PCDHGA11: variants seen among roughly 807,000 people sequenced by gnomAD.
PCDHGA11 encodes protocadherin gamma-A11.
Under a neutral mutation model 60.4 loss-of-function variants are expected in PCDHGA11, and 39 were observed. The observed-to-expected ratio is 0.65, with a 90% CI of 0.50 to 0.84. The LOEUF is 0.84. Among genes scored for constraint, PCDHGA11 ranks in the 40% least tolerant of loss-of-function variants. The pLI is 0.00. For synonymous variants in PCDHGA11, 533 were observed against 510.3 expected, an observed-to-expected ratio of 1.04 and a Z score of -0.60; for missense variants, 1,165 against 1,197.7, an observed-to-expected ratio of 0.97 and a Z score of 0.40.
chr5:141,421,931 A>T lies in PCDHGA11; in HGVS notation c.704A>T (p.Asp235Val). 6.2e-7 allele frequency: 1 copy of T among 1,613,556 alleles called. No homozygotes were observed. Among genetic ancestry groups the T allele is most frequent in the East Asian group, 2.2e-5 (1 of 44,876 alleles). ...GAVPIRVVVL[D>V]VNDHIPMFTQ... Reference sequence around the variant, plus strand: ...GTTCCCATTCGTGTGGTGGTCCTCGATGTAAATGATCACATCCCAATGTTT... The same window carrying T: ...GTTCCCATTCGTGTGGTGGTCCTCGTTGTAAATGATCACATCCCAATGTTT... The change falls in exon 1 of 4, where the codon GAT (aspartate) becomes GTT (valine). Residue 235 changes from aspartate (D) to valine (V), a missense_variant. Transcript: ENST00000398587.
At position 141,489,651 on chromosome 5, in the gene PCDHGA11, G is replaced by A; in HGVS notation, c.2434-5156G>A. 6.2e-7 allele frequency: 1 copy of A among 1,614,186 alleles called. No individual in the cohort carries two copies. Among genetic ancestry groups the A allele is most frequent in the Non-Finnish European group, 8.5e-7 (1 of 1,180,032 alleles). ...ACTCTCCTAGCTTTGCCACCCCTGA[G>A]CGAGAGATGCGCATCTCAGAATCAG... On this transcript the variant is annotated intron_variant, in intron 1 of 3. Coordinates refer to ENST00000398587, the MANE Select transcript of PCDHGA11 (RefSeq NM_018914.3). The surrounding 1 kb of genome is among the most constrained non-coding windows in gnomAD (Gnocchi z 4.5).
At chr5:141,481,795 T>C (rs2154579318) in intron 1 of PCDHGA11, among the ~76,000 whole-genome samples, 1 of 150,244 alleles carries the variant, frequency 6.7e-6, no homozygotes, top group South Asian at 2.1e-4. Context: ...CTACTAAAAA[T>C]ACAAAAATTC....
intron 1 of PCDHGA11, among the ~76,000 whole-genome samples, chr5:141,469,484 A>AGAATCGCT (rs1279677032): frequency 6.6e-6 from 1 of 152,074 alleles, no homozygotes; most frequent in African/African-American, 2.4e-5. Flanking sequence ...CTGAGGCAGG[A>AGAATCGCT]GAATCGCTTG....
At position 141,477,539 on chromosome 5, in the gene PCDHGA11, C is replaced by G; in HGVS notation, c.2434-17268C>G. 2 of 1,614,172 alleles carry G rather than the reference C, an allele frequency of 1.2e-6. No individual in the cohort carries two copies. The highest frequency in any genetic ancestry group is 1.7e-6 in the Non-Finnish European group (2 of 1,180,030). On this transcript the variant is annotated intron_variant, in intron 1 of 3. Transcript: ENST00000398587. The surrounding 1 kb of genome is among the most constrained non-coding windows in gnomAD (Gnocchi z 4.9). ...TGAAGAAAACAACCTCCCCGGGGCT[C>G]CAATACTAAACCTAAGTGTCTGGGA...
intron 2 of PCDHGA11, among the ~76,000 whole-genome samples, chr5:141,496,492 C>A (rs2099769172): frequency 6.6e-6 from 1 of 152,186 alleles, no homozygotes; most frequent in Non-Finnish European, 1.5e-5. Context: ...CCAACCAAAC[C>A]CTTGTTGCCA....
rs771106873 is a variant in PCDHGA11, at chr5:141,426,860, A to C, written c.2433+3200A>C. 5 of 456,702 alleles carry C rather than the reference A, an allele frequency of 1.1e-5. No individual in the cohort carries two copies. In the Admixed American group the frequency reaches 1.2e-4, roughly 11 times the overall value. The allele number at this position is 456,702 out of a possible 1,614,324, so 28.3% of individuals were successfully genotyped here. A position where few individuals can be genotyped will look rare whatever the true frequency, so the allele number is the denominator to read the frequency against. On this transcript the variant is annotated intron_variant, in intron 1 of 3. Transcript: ENST00000398587. ...CTAAAGGCAAGAACGCTCCAGAATT[A>C]GTGCTGGAGAAGCCCCTGGGCCAGG...
Position 141,422,569 on chromosome 5 carries a change from G to C in PCDHGA11, c.1342G>C (p.Asp448His). Residue 448 changes from aspartate (D) to histidine (H), a missense_variant, in exon 1 of 4, where the codon GAT (aspartate) becomes CAT (histidine). Transcript: ENST00000398587. ...HVWLNVADDN[D>H]NPPVFPHSSY... The stretch of plus-strand genomic sequence containing the variant: ...CTGGCTGAATGTGGCAGATGACAAC[G>C]ATAACCCTCCCGTTTTTCCTCACTC... 2 of 1,613,984 alleles carry C rather than the reference G, an allele frequency of 1.2e-6. No individual in the cohort carries two copies. The highest frequency in any genetic ancestry group is 1.7e-6 in the Non-Finnish European group (2 of 1,179,896).
At chr5:141,475,553 TTGTC>T (rs2099365287) in intron 1 of PCDHGA11, among the ~76,000 whole-genome samples, 2 of 152,260 alleles carry the variant, frequency 1.3e-5, no homozygotes, top group Non-Finnish European at 2.9e-5. Context: ...GTCCGGCTAA[TTGTC>T]TGTCTTCCAA....
At position 141,502,866 on chromosome 5, in the gene PCDHGA11, C is replaced by CTTTTTTTTTTT. The variant is rs549047197; in HGVS notation, c.2493-2523_2493-2513dup. Among the ~76,000 whole-genome samples the CTTTTTTTTTTT allele has an allele frequency of 4.4e-4, 56 of 128,014 alleles. 1 individual carries two copies. The highest frequency in any genetic ancestry group is 5.1e-4 in the Non-Finnish European group (32 of 62,412). The allele number at this position is 128,014 out of a possible 152,430, so 84.0% of individuals were successfully genotyped here. ...GAGCTGCCTAACCCTGACTCTCTGTCTTTTTTTTTTTTTTGACAGGGAGTC... is the reference window on the plus strand; with the variant it reads ...GAGCTGCCTAACCCTGACTCTCTGTCTTTTTTTTTTTTTTTTTTTTTTTTTGACAGGGAGTC... On this transcript the variant is annotated intron_variant, in intron 2 of 3. Coordinates refer to ENST00000398587, the MANE Select transcript of PCDHGA11 (RefSeq NM_018914.3).
chr5:141,501,288 TATACACAC>T (rs1482707793), intron 2 of PCDHGA11, among the ~76,000 whole-genome samples: 1 of 81,228 alleles, frequency 1.2e-5, no homozygotes, highest in African/African-American at 4.9e-5. Flanking sequence ...GATATTCCCT[TATACACAC>T]ACACACACAC....
At position 141,491,318 on chromosome 5, in the gene PCDHGA11, A is replaced by C; in HGVS notation, c.2434-3489A>C. The C allele has an allele frequency of 6.2e-7, 1 of 1,613,862 alleles. No individual in the cohort carries two copies. The highest frequency in any genetic ancestry group is 8.5e-7 in the Non-Finnish European group (1 of 1,179,916). On this transcript the variant is annotated intron_variant, in intron 1 of 3. Transcript: ENST00000398587. The surrounding 1 kb of genome is among the most constrained non-coding windows in gnomAD (Gnocchi z 6.9). ...CCTGAGCGTTCAGACCTTACCCTTT[A>C]CCTCATTGTGGCTCTAGCGACCGTC...
intron 1 of PCDHGA11, among the ~76,000 whole-genome samples, chr5:141,465,505 G>A (rs905617997): frequency 6.6e-6 from 1 of 152,190 alleles, no homozygotes; most frequent in Non-Finnish European, 1.5e-5. Flanking sequence ...CATTGTCGTG[G>A]TCAGGAAGGA....
intron 1 of PCDHGA11, among the ~76,000 whole-genome samples, chr5:141,449,298 T>C (rs1197693931): frequency 6.6e-6 from 1 of 152,058 alleles, no homozygotes; most frequent in Non-Finnish European, 1.5e-5. Flanking sequence ...CCGGGTGAAT[T>C]ATATGTATTA....
In PCDHGA11 at chr5:141,432,212, G is replaced by T. The variant is rs2097468822; in HGVS notation, c.2433+8552G>T. 8 of 1,614,184 alleles carry T rather than the reference G, an allele frequency of 5.0e-6. No homozygotes were observed. In the East Asian group the frequency reaches 1.3e-4, roughly 27 times the overall value. ...CCACGACCCCGACTGTGAAGAGAAC[G>T]CCCAGATCACTTATTCCCTGGCTGA... On this transcript the variant is annotated intron_variant, in intron 1 of 3. Transcript: ENST00000398587. The surrounding 1 kb of genome is among the most constrained non-coding windows in gnomAD (Gnocchi z 6.0).
chr5:141,489,060 TC>T lies in PCDHGA11; in HGVS notation c.2434-5741del, dbSNP rs1037208652. 41 of 300,146 alleles carry T rather than the reference TC, an allele frequency of 1.4e-4. No individual in the cohort carries two copies. The highest frequency in any genetic ancestry group is 2.3e-4 in the Non-Finnish European group (38 of 162,914). The allele number at this position is 300,146 out of a possible 1,614,324, so 18.6% of individuals were successfully genotyped here. A position where few individuals can be genotyped will look rare whatever the true frequency, so the allele number is the denominator to read the frequency against. On this transcript the variant is annotated intron_variant, in intron 1 of 3. Coordinates refer to ENST00000398587, the MANE Select transcript of PCDHGA11 (RefSeq NM_018914.3). This position sits in a 1 kb window ranked among gnomAD's most constrained non-coding sequence, Gnocchi z 4.5. ...CAGCTCCACTCAAATTCAGCTCCCC[TC>T]CCCCCTGCCCACCCCCGCCACTCGG...
Position 141,476,477 on chromosome 5 carries a change from G to C in PCDHGA11, c.2434-18330G>C. ...GGAGAACCCGCTGGAGCTGTTCAGCGTGGAAGTGGTGATCCAGGACATCAA... is the reference window on the plus strand; with the variant it reads ...GGAGAACCCGCTGGAGCTGTTCAGCCTGGAAGTGGTGATCCAGGACATCAA... On this transcript the variant is annotated intron_variant, in intron 1 of 3. Coordinates refer to ENST00000398587, the MANE Select transcript of PCDHGA11 (RefSeq NM_018914.3). The surrounding 1 kb of genome is among the most constrained non-coding windows in gnomAD (Gnocchi z 7.6). The C allele has an allele frequency of 5.0e-6, 8 of 1,614,078 alleles. No homozygotes were observed. Among genetic ancestry groups the C allele is most frequent in the Non-Finnish European group, 6.8e-6 (8 of 1,180,018 alleles).
At chr5:141,498,709 A>G (rs1245852373) in intron 2 of PCDHGA11, among the ~76,000 whole-genome samples, 2 of 152,148 alleles carry the variant, frequency 1.3e-5, no homozygotes, top group African/African-American at 4.8e-5. Context: ...AGGTGGGTGG[A>G]TCACCTGAGG....
chr5:141,491,199 C>T lies in PCDHGA11; in HGVS notation c.2434-3608C>T. ...TGGTCCTGGTGAGGGACAATGGTGA[C>T]CCTTCACTCTCCTCCACAGCCACAG... On this transcript the variant is annotated intron_variant, in intron 1 of 3. Coordinates refer to ENST00000398587, the MANE Select transcript of PCDHGA11 (RefSeq NM_018914.3). The surrounding 1 kb of genome is among the most constrained non-coding windows in gnomAD (Gnocchi z 6.9). 1 of 1,614,190 alleles carries T rather than the reference C, an allele frequency of 6.2e-7. No homozygotes were observed. Among genetic ancestry groups the T allele is most frequent in the South Asian group, 1.1e-5 (1 of 91,086 alleles).
chr5:141,460,959 A>G (rs892536901), intron 1 of PCDHGA11, among the ~76,000 whole-genome samples: 2 of 126,082 alleles, frequency 1.6e-5, no homozygotes, highest in African/African-American at 7.1e-5. Context: ...ATGTATATAT[A>G]TATGTGTGTG....
Sources: gnomAD v4.1 joint callset for allele counts (sites outside exome capture counted in the v4.1 genomes callset) on GRCh38, gnomAD v4.1.1 for gene constraint, Gnocchi (gnomAD v3.1) non-coding constraint, MANE v1.5 for transcripts, NCBI Gene and HGNC (gene_info 2026-07-23, HGNC 2026-07-21) for gene names.